Variants in MAF observed in about 807,000 individuals in gnomAD.
MAF encodes the protein transcription factor Maf.
In MAF, 10 loss-of-function variants were observed where a neutral mutation model predicts 22.0. That is an observed-to-expected ratio of 0.45 (90% confidence interval 0.28 to 0.77). MAF has a LOEUF of 0.77. Ranked by LOEUF, MAF falls within the 30% of genes least tolerant of loss-of-function variation. The pLI is 0.12. For missense variants in MAF, 544 were observed against 548.4 expected (o/e 0.99, Z 0.08); for synonymous variants, 337 against 255.8 (o/e 1.32, Z -3.03).
chr16:79,335,183 CAAAAA>C, the MAF span, among the ~76,000 whole-genome samples: 1 of 86,344 alleles, frequency 1.2e-5, no homozygotes, highest in Admixed American at 1.1e-4. Flanking sequence ...GACTCCATCT[CAAAAA>C]AAAAAAAAAA....
At chr16:79,461,337 T>G in the MAF span, among the ~76,000 whole-genome samples, 3 of 152,170 alleles carry the variant, frequency 2.0e-5, no homozygotes, top group African/African-American at 7.2e-5. Context: ...CAGTCTATTG[T>G]GAGTATTTCT....
At chr16:79,467,877 G>C in the MAF span, among the ~76,000 whole-genome samples, 1 of 151,802 alleles carries the variant, frequency 6.6e-6, no homozygotes, top group Non-Finnish European at 1.5e-5. Context: ...GATGCAGGCA[G>C]GCAAACCTCC....
At chr16:79,224,725 C>T in the MAF span, among the ~76,000 whole-genome samples, 1 of 151,996 alleles carries the variant, frequency 6.6e-6, no homozygotes, top group African/African-American at 2.4e-5. Flanking sequence ...AATAGACAAA[C>T]AAGAGAGCAA....
the MAF span, among the ~76,000 whole-genome samples, chr16:79,484,012 G>T: frequency 6.6e-6 from 1 of 152,220 alleles, no homozygotes; most frequent in Non-Finnish European, 1.5e-5. Context: ...TGGAGTGAGG[G>T]CAAGGGATCA....
At chr16:79,275,613 G>T in the MAF span, among the ~76,000 whole-genome samples, 1 of 152,164 alleles carries the variant, frequency 6.6e-6, no homozygotes, top group Non-Finnish European at 1.5e-5. Flanking sequence ...GGACAATGCA[G>T]ATTTTAAACA....
At chr16:79,538,331 C>T in the MAF span, among the ~76,000 whole-genome samples, 1 of 152,176 alleles carries the variant, frequency 6.6e-6, no homozygotes, top group Admixed American at 6.5e-5. Context: ...CTTCTTTTGA[C>T]AAACACTGTT....
At chr16:79,249,822 T>C in the MAF span, among the ~76,000 whole-genome samples, 4 of 152,118 alleles carry the variant, frequency 2.6e-5, no homozygotes, top group East Asian at 7.7e-4. Context: ...CTTTTTTTGT[T>C]GTTGTTTGGT....
the MAF span, among the ~76,000 whole-genome samples, chr16:79,362,352 C>T: frequency 6.6e-6 from 1 of 152,196 alleles, no homozygotes; most frequent in East Asian, 1.9e-4. Flanking sequence ...CTGACACACA[C>T]AGATGCCTTG....
At chr16:79,584,045 C>A (rs1214417139), downstream of MAF, among the ~76,000 whole-genome samples, 2 of 151,892 alleles carry the variant, frequency 1.3e-5, no homozygotes, top group South Asian at 4.2e-4. Context: ...TTTTGAGATA[C>A]CACTTGGGAT....
intron 1 of MAF, 192 bp downstream of exon 1, chr16:79,598,586 GTGTGTGT>G: frequency 2.2e-6 from 3 of 1,346,138 alleles, no homozygotes; most frequent in Non-Finnish European, 3.0e-6. Context: ...TGTGGGGTGT[GTGTGTGT>G]GTGTGTGTGT....
At chr16:79,443,369 C>T in the MAF span, among the ~76,000 whole-genome samples, 7 of 152,178 alleles carry the variant, frequency 4.6e-5, no homozygotes, top group Non-Finnish European at 1.0e-4. Flanking sequence ...GATGGTCATC[C>T]TCTCCATCAC....
the MAF span, among the ~76,000 whole-genome samples, chr16:79,370,089 G>A: frequency 6.6e-6 from 1 of 152,180 alleles, no homozygotes; most frequent in Non-Finnish European, 1.5e-5. Flanking sequence ...AACCTGAGTA[G>A]GCAAAGGATG....
chr16:79,597,736 A>C, intron 1 of MAF: 2 of 1,020,842 alleles, frequency 2.0e-6, no homozygotes, highest in Non-Finnish European at 2.3e-6. Flanking sequence ...TCGAACGTCC[A>C]TTTCCAAGCC....
chr16:79,458,109 A>AGAGTGTGTGTGTGTGT, the MAF span, among the ~76,000 whole-genome samples: 8 of 136,328 alleles, frequency 5.9e-5, no homozygotes, highest in Non-Finnish European at 1.3e-4. Flanking sequence ...GGTATGTATA[A>AGAGTGTGTGTGTGTGT]GTGTGTGTGT....
chr16:79,212,651 A>G, the MAF span: 1 of 149,076 alleles, frequency 6.7e-6, no homozygotes, highest in Non-Finnish European at 1.5e-5. Context: ...TTAATAAAAG[A>G]ACATGCTTGA....
At chr16:79,578,084 A>T in the MAF span, among the ~76,000 whole-genome samples, 1 of 152,230 alleles carries the variant, frequency 6.6e-6, no homozygotes, top group South Asian at 2.1e-4. Flanking sequence ...AACAAGCAGA[A>T]TAGCTGTTTT....
At chr16:79,539,689 A>T in the MAF span, among the ~76,000 whole-genome samples, 5 of 152,346 alleles carry the variant, frequency 3.3e-5, no homozygotes, top group East Asian at 9.6e-4. Flanking sequence ...TAATAGTTTG[A>T]TAATTAAATA....
At chr16:79,586,388 AG>A (rs148530068) in intron 1 of MAF, among the ~76,000 whole-genome samples, 3,053 of 152,260 alleles carry the variant, frequency 0.02, 102 homozygotes, top group African/African-American at 0.069. Flanking sequence ...GGTGTGTGCT[AG>A]GGTTCCTTCT....
chr16:79,569,389 G>C, the MAF span, among the ~76,000 whole-genome samples: 1 of 152,196 alleles, frequency 6.6e-6, no homozygotes, highest in Non-Finnish European at 1.5e-5. Flanking sequence ...AGTTTCTCTG[G>C]ATGGCAGCTG....
Sources: gnomAD v4.1 joint callset for allele counts (sites outside exome capture counted in the v4.1 genomes callset) on GRCh38, gnomAD v4.1.1 for gene constraint, MANE v1.5 for transcripts, NCBI Gene and HGNC (gene_info 2026-07-23, HGNC 2026-07-21) for gene names.